The following GAB2 variants were observed in gnomAD, a reference collection of about 807,000 sequenced individuals.
GAB2 encodes the protein GRB2-associated-binding protein 2.
A neutral mutation model predicts 65.5 loss-of-function variants in GAB2; 26 were observed. The observed-to-expected ratio is 0.40, with a 90% CI of 0.29 to 0.55. The LOEUF (loss-of-function observed/expected upper bound fraction) is 0.55, where lower values mean the gene tolerates loss of function less well. Among genes scored for constraint, GAB2 ranks in the 20% least tolerant of loss-of-function variants. The probability of loss-of-function intolerance (pLI) is 0.53; values close to 1 mark genes in which losing one functional copy is unlikely to be tolerated. For synonymous variants in GAB2, 321 were observed against 329.6 expected, an observed-to-expected ratio of 0.97 and a Z score of 0.28; for missense variants, 884 against 875.8, an observed-to-expected ratio of 1.01 and a Z score of -0.12.
intron 1 of GAB2, among the ~76,000 whole-genome samples, chr11:78,404,747 T>C (rs1857019124): frequency 6.6e-6 from 1 of 152,216 alleles, no homozygotes; most frequent in Non-Finnish European, 1.5e-5. Flanking sequence ...GATTATCAGA[T>C]ACTGGAAAGG....
intron 1 of GAB2, among the ~76,000 whole-genome samples, chr11:78,365,748 G>T (rs763905922): frequency 6.6e-6 from 1 of 152,172 alleles, no homozygotes; most frequent in Non-Finnish European, 1.5e-5. Context: ...TGAGCTTGAG[G>T]GGATGAAGCC....
chr11:78,377,265 T>C (rs993763756), intron 1 of GAB2, among the ~76,000 whole-genome samples: 3 of 152,220 alleles, frequency 2.0e-5, no homozygotes, highest in Admixed American at 1.3e-4. Flanking sequence ...ATGAAGGAAC[T>C]AGTAGGTCCA....
intron 1 of GAB2, among the ~76,000 whole-genome samples, chr11:78,316,136 C>T (rs1243324886): frequency 1.3e-5 from 2 of 152,024 alleles, no homozygotes; most frequent in African/African-American, 4.8e-5. Context: ...GCACGGGGGG[C>T]CAGGGGGTGG....
chr11:78,287,476 C>T (rs1275032407), intron 1 of GAB2, among the ~76,000 whole-genome samples: 5 of 152,114 alleles, frequency 3.3e-5, no homozygotes, highest in African/African-American at 9.7e-5. Context: ...GGGGGTCTCA[C>T]TATTTTTCCC....
At chr11:78,278,429 C>T (rs911076878) in intron 2 of GAB2, among the ~76,000 whole-genome samples, 1 of 151,606 alleles carries the variant, frequency 6.6e-6, no homozygotes, top group African/African-American at 2.4e-5. Context: ...GTCACCCAGG[C>T]TGGAGTGCAG....
chr11:78,403,562 C>A (rs1488071703), intron 1 of GAB2, among the ~76,000 whole-genome samples: 1 of 152,150 alleles, frequency 6.6e-6, no homozygotes, highest in Non-Finnish European at 1.5e-5. Flanking sequence ...AGACCCCTAT[C>A]TTTCTCAATA....
chr11:78,400,611 G>T (rs1205331357), intron 1 of GAB2, among the ~76,000 whole-genome samples: 2 of 152,082 alleles, frequency 1.3e-5, no homozygotes, highest in Non-Finnish European at 2.9e-5. Flanking sequence ...CATCAAAGGT[G>T]TTTCATTAAG....
At chr11:78,275,023 C>G (rs1376314463) in intron 2 of GAB2, among the ~76,000 whole-genome samples, 1 of 152,208 alleles carries the variant, frequency 6.6e-6, no homozygotes, top group African/African-American at 2.4e-5. Context: ...AAAGTCTCAA[C>G]TTTCACAGAA....
At chr11:78,225,737 T>G (rs1256561174) in intron 4 of GAB2, among the ~76,000 whole-genome samples, 5 of 152,184 alleles carry the variant, frequency 3.3e-5, no homozygotes, top group Non-Finnish European at 7.3e-5. Context: ...GCACAATGAC[T>G]CTGCAACTCT....
At chr11:78,298,061 A>T (rs928425843) in intron 1 of GAB2, among the ~76,000 whole-genome samples, 1 of 152,182 alleles carries the variant, frequency 6.6e-6, no homozygotes, top group Non-Finnish European at 1.5e-5. Flanking sequence ...AAATTTTTCC[A>T]TATTTAAAAT....
At chr11:78,361,754 G>C (rs1220670547) in intron 1 of GAB2, among the ~76,000 whole-genome samples, 1 of 152,152 alleles carries the variant, frequency 6.6e-6, no homozygotes, top group Non-Finnish European at 1.5e-5. Context: ...GGAAAAAGAG[G>C]CAGGAGTGTA....
intron 1 of GAB2, among the ~76,000 whole-genome samples, chr11:78,297,697 T>G (rs1866875787): frequency 6.6e-6 from 1 of 152,160 alleles, no homozygotes; most frequent in African/African-American, 2.4e-5. Flanking sequence ...AGATTGAAGT[T>G]TAGATTTTAT....
At chr11:78,368,892 C>A (rs1856532343) in intron 1 of GAB2, among the ~76,000 whole-genome samples, 1 of 151,830 alleles carries the variant, frequency 6.6e-6, no homozygotes, top group South Asian at 2.1e-4. Context: ...GCCTGGGAAA[C>A]ACAGCGAGAC....
At chr11:78,304,103 T>C (rs1035942992) in intron 1 of GAB2, among the ~76,000 whole-genome samples, 1 of 152,086 alleles carries the variant, frequency 6.6e-6, no homozygotes. Context: ...GCTTTCTTCT[T>C]GTGTCAGTTT....
chr11:78,309,971 T>TGTGTGTGTGTGTGTGTGCGCGCGCGC (rs1421836447), intron 1 of GAB2, among the ~76,000 whole-genome samples: 4 of 120,088 alleles, frequency 3.3e-5, no homozygotes, highest in African/African-American at 1.4e-4. Context: ...TGTGTGTGTG[T>TGTGTGTGTGTGTGTGTGCGCGCGCGC]GCGCGCGCGC....
chr11:78,367,543 T>C (rs1420697911), intron 1 of GAB2, among the ~76,000 whole-genome samples: 1 of 152,204 alleles, frequency 6.6e-6, no homozygotes, highest in East Asian at 1.9e-4. Flanking sequence ...CTTTTAACAA[T>C]CTACGACTAA....
chr11:78,234,157 T>C (rs1864924714), intron 3 of GAB2, among the ~76,000 whole-genome samples: 1 of 152,196 alleles, frequency 6.6e-6, no homozygotes, highest in Non-Finnish European at 1.5e-5. Context: ...CTTGGCTCAC[T>C]GCAGTCTTGA....
At chr11:78,230,951 T>C (rs1590949371) in intron 3 of GAB2, among the ~76,000 whole-genome samples, 1 of 152,208 alleles carries the variant, frequency 6.6e-6, no homozygotes, top group Non-Finnish European at 1.5e-5. Flanking sequence ...GGATGGATAA[T>C]CCACCTGGAA....
chr11:78,315,837 C>G (rs1006291112), intron 1 of GAB2, among the ~76,000 whole-genome samples: 1 of 152,094 alleles, frequency 6.6e-6, no homozygotes, highest in Non-Finnish European at 1.5e-5. Context: ...AGATGGCTGG[C>G]GAAGTACTGT....
Sources: gnomAD v4.1 joint callset for allele counts (sites outside exome capture counted in the v4.1 genomes callset) on GRCh38, gnomAD v4.1.1 for gene constraint, MANE v1.5 for transcripts, NCBI Gene and HGNC (gene_info 2026-07-23, HGNC 2026-07-21) for gene names.